The following PTH2R variants were observed in gnomAD, a reference collection of about 807,000 sequenced individuals.
PTH2R encodes the protein parathyroid hormone 2 receptor.
PTH2R carries 59 observed loss-of-function variants against 60.3 expected under a neutral mutation model. The ratio of observed to expected loss-of-function variants is 0.98; its 90% confidence interval spans 0.79 to 1.22. The LOEUF is 1.22. Ranked by LOEUF, PTH2R falls within the 50% of genes most tolerant of loss-of-function variation. The pLI is 0.00. For synonymous variants in PTH2R, 256 were observed against 243.8 expected, an observed-to-expected ratio of 1.05 and a Z score of -0.47; for missense variants, 749 against 682.6, an observed-to-expected ratio of 1.10 and a Z score of -1.08.
At chr2:208,405,276 A>T (rs567102319), upstream of PTH2R, among the ~76,000 whole-genome samples, 1 of 152,216 alleles carries the variant, frequency 6.6e-6, no homozygotes, top group South Asian at 2.1e-4. Context: ...TAGAAAAAAG[A>T]TCTGATGAAA....
intron 1 of PTH2R, among the ~76,000 whole-genome samples, chr2:208,410,246 A>T (rs1701511699): frequency 6.6e-6 from 1 of 152,204 alleles, no homozygotes; most frequent in Non-Finnish European, 1.5e-5. Context: ...TTTAATTATC[A>T]CAGTAACTTT....
chr2:208,465,386 G>GTT (rs1574898250), intron 9 of PTH2R, among the ~76,000 whole-genome samples: 1 of 73,818 alleles, frequency 1.4e-5, no homozygotes, highest in African/African-American at 5.2e-5. Flanking sequence ...CTATTTGTAA[G>GTT]TCTTTTTTTT....
chr2:208,407,883 C>T (rs1303663152), intron 1 of PTH2R, among the ~76,000 whole-genome samples: 1 of 152,142 alleles, frequency 6.6e-6, no homozygotes, highest in Non-Finnish European at 1.5e-5. Flanking sequence ...GTATTTCTCT[C>T]CGGTTCGGTA....
chr2:208,381,632 C>G (rs1340256740), intron 1 of PTH2R, among the ~76,000 whole-genome samples: 1 of 152,056 alleles, frequency 6.6e-6, no homozygotes, highest in African/African-American at 2.4e-5. Context: ...TACACTTACA[C>G]TGCTGCATCT....
At chr2:208,408,547 C>T (rs929093934) in intron 1 of PTH2R, among the ~76,000 whole-genome samples, 1 of 151,400 alleles carries the variant, frequency 6.6e-6, no homozygotes, top group African/African-American at 2.4e-5. Context: ...AAAAAAAAGG[C>T]TTGGTGTGGT....
intron 1 of PTH2R, among the ~76,000 whole-genome samples, chr2:208,422,241 T>C (rs1159478329): frequency 6.6e-6 from 1 of 152,168 alleles, no homozygotes; most frequent in Non-Finnish European, 1.5e-5. Context: ...CCAGTTACAT[T>C]GCGGGAGGGC....
chr2:208,406,985 G>T lies in PTH2R; in HGVS notation c.-59G>T. 7.5e-7 allele frequency: 1 copy of T among 1,337,020 alleles called. No individual in the cohort carries two copies. The highest frequency in any genetic ancestry group is 2.3e-5 in the South Asian group (1 of 44,412). 82.8% of individuals were successfully genotyped at this position (1,337,020 alleles called of 1,614,324 possible). A position where few individuals can be genotyped will look rare whatever the true frequency, so the allele number is the denominator to read the frequency against. On this transcript the variant is annotated 5_prime_UTR_variant, in exon 1 of 13. Transcript: ENST00000272847. Reference sequence around the variant, plus strand: ...TCTGGGCCAGCCAAGTTGGCAACTTGGAAGCTTCTCCCGGGCTCTGGAGGA... The same window carrying T: ...TCTGGGCCAGCCAAGTTGGCAACTTTGAAGCTTCTCCCGGGCTCTGGAGGA...
intron 2 of PTH2R, among the ~76,000 whole-genome samples, chr2:208,430,963 T>C (rs1701959513): frequency 6.6e-6 from 1 of 152,178 alleles, no homozygotes; most frequent in Non-Finnish European, 1.5e-5. Context: ...TCTGTACATC[T>C]GTATCTTTAT....
chr2:208,458,306 G>A (rs150334091), intron 8 of PTH2R, among the ~76,000 whole-genome samples: 119 of 152,224 alleles, frequency 7.8e-4, no homozygotes, highest in African/African-American at 2.7e-3. Flanking sequence ...TCAAGTTAGG[G>A]TGGAAGGGAA....
intron 8 of PTH2R, among the ~76,000 whole-genome samples, chr2:208,451,315 A>T (rs1366330401): frequency 6.6e-6 from 1 of 152,178 alleles, no homozygotes; most frequent in Admixed American, 6.5e-5. Flanking sequence ...ATAGAGATGG[A>T]GAGGCAAGTA....
chr2:208,371,066 G>A (rs963164373), intron 1 of PTH2R, among the ~76,000 whole-genome samples: 1 of 152,018 alleles, frequency 6.6e-6, no homozygotes, highest in Non-Finnish European at 1.5e-5. Context: ...TCACCATGGG[G>A]ATGGCACTAA....
At chr2:208,380,750 G>C (rs1393100906) in intron 1 of PTH2R, among the ~76,000 whole-genome samples, 2 of 152,118 alleles carry the variant, frequency 1.3e-5, no homozygotes, top group African/African-American at 2.4e-5. Flanking sequence ...TTGAGCACTA[G>C]CTTTCCCCTG....
intron 9 of PTH2R, among the ~76,000 whole-genome samples, chr2:208,465,659 T>C (rs992262663): frequency 6.6e-6 from 1 of 152,032 alleles, no homozygotes; most frequent in African/African-American, 2.4e-5. Context: ...CGCCTCGGCC[T>C]CCCAAAGTGC....
At chr2:208,369,888 G>A (rs1700661626) in intron 1 of PTH2R, among the ~76,000 whole-genome samples, 1 of 152,028 alleles carries the variant, frequency 6.6e-6, no homozygotes, top group South Asian at 2.1e-4. Context: ...TCAGTAATGA[G>A]AATGCTTTTC....
chr2:208,367,664 C>T (rs1700619578), intron 1 of PTH2R, among the ~76,000 whole-genome samples: 1 of 152,074 alleles, frequency 6.6e-6, no homozygotes, highest in Non-Finnish European at 1.5e-5. Context: ...GCCACTGTGC[C>T]CAGCCTCAAA....
chr2:208,491,968 G>T (rs1338707462), intron 12 of PTH2R, among the ~76,000 whole-genome samples: 1 of 152,198 alleles, frequency 6.6e-6, no homozygotes, highest in Non-Finnish European at 1.5e-5. Flanking sequence ...TGGTGCTTCT[G>T]CTCTGTCAGT....
chr2:208,464,899 A>AT (rs1312890152), intron 9 of PTH2R, among the ~76,000 whole-genome samples: 16 of 151,160 alleles, frequency 1.1e-4, no homozygotes, highest in Admixed American at 2.0e-4. Flanking sequence ...CAGGGTACAC[A>AT]TTTTTTTTTC....
intron 11 of PTH2R, 137 bp downstream of exon 11, chr2:208,489,287 A>C: frequency 1.9e-6 from 2 of 1,036,756 alleles, no homozygotes; most frequent in Non-Finnish European, 2.8e-6. Context: ...AGAAAGGTCA[A>C]TATTTCTATA....
intron 1 of PTH2R, among the ~76,000 whole-genome samples, chr2:208,424,517 G>A (rs1701819320): frequency 6.6e-6 from 1 of 152,198 alleles, no homozygotes; most frequent in Non-Finnish European, 1.5e-5. Context: ...CTTGACATAA[G>A]TTACTCTAGT....
Sources: allele counts gnomAD v4.1 joint callset (sites outside exome capture counted in the v4.1 genomes callset), GRCh38; gene constraint gnomAD v4.1.1; transcripts MANE v1.5; gene names NCBI Gene and HGNC (gene_info 2026-07-23, HGNC 2026-07-21).